The following PAK3 variants were observed in gnomAD, a reference collection of about 807,000 sequenced individuals.
PAK3 encodes the protein serine/threonine-protein kinase PAK 3.
In PAK3, 4 loss-of-function variants were observed where a neutral mutation model predicts 41.0. The ratio of observed to expected loss-of-function variants is 0.10; its 90% CI spans 0.05 to 0.22. The LOEUF is 0.22. Among genes scored for constraint, PAK3 ranks in the 10% least tolerant of loss-of-function variants. The pLI, the probability that PAK3 is intolerant of heterozygous loss-of-function variation, is 1.00. For missense variants in PAK3, 205 were observed against 409.9 expected, an observed-to-expected ratio of 0.50 and a Z score of 4.32; for synonymous variants, 146 against 139.6, an observed-to-expected ratio of 1.05 and a Z score of -0.32.
chrX:110,956,085 T>C (rs1156956946), intron 1 of PAK3, among the ~76,000 whole-genome samples: 1 of 112,015 alleles, frequency 8.9e-6, no homozygotes, highest in African/African-American at 3.2e-5. Context: ...ATCAAAGAGA[T>C]AATCTATGTC....
chrX:111,104,002 G>A (rs746965274), intron 4 of PAK3, among the ~76,000 whole-genome samples: 2 of 112,076 alleles, frequency 1.8e-5, no homozygotes, highest in Non-Finnish European at 3.8e-5. Flanking sequence ...CAAGGGCAGG[G>A]ACTAGATCTT....
chrX:111,135,840 G>T (rs777513705), intron 5 of PAK3, among the ~76,000 whole-genome samples: 15 of 111,799 alleles, frequency 1.3e-4, no homozygotes, highest in African/African-American at 4.9e-4. Flanking sequence ...GAAAAGCTAA[G>T]ACTATAACAG....
At chrX:111,113,990 G>A (rs1020583892) in intron 4 of PAK3, among the ~76,000 whole-genome samples, 2 of 112,366 alleles carry the variant, frequency 1.8e-5, no homozygotes, top group East Asian at 2.8e-4. Flanking sequence ...ATTCCATGGT[G>A]TATATGTGCC....
chrX:111,032,901 A>C (rs915497071), intron 1 of PAK3, among the ~76,000 whole-genome samples: 4 of 110,942 alleles, frequency 3.6e-5, no homozygotes, highest in East Asian at 2.9e-4. Context: ...TGTCTCCCAT[A>C]CTTATGTACT....
At chrX:110,957,594 G>A (rs756942375) in intron 1 of PAK3, among the ~76,000 whole-genome samples, 3 of 111,655 alleles carry the variant, frequency 2.7e-5, no homozygotes, top group Non-Finnish European at 5.6e-5. Flanking sequence ...AATCTTGCAG[G>A]GACCCTGGCC....
At chrX:110,986,756 C>T (rs867307820) in intron 1 of PAK3, among the ~76,000 whole-genome samples, 8 of 104,394 alleles carry the variant, frequency 7.7e-5, no homozygotes, top group East Asian at 5.9e-4. Context: ...CAAGTGTACG[C>T]GTGTGTGTGT....
At chrX:110,967,850 C>T (rs1038735966) in intron 1 of PAK3, among the ~76,000 whole-genome samples, 1 of 111,753 alleles carries the variant, frequency 8.9e-6, no homozygotes, top group African/African-American at 3.3e-5. Context: ...ATGACATTGG[C>T]ACAATGTGTG....
At chrX:111,215,443 G>T (rs1163863352) in intron 16 of PAK3, among the ~76,000 whole-genome samples, 1 of 104,600 alleles carries the variant, frequency 9.6e-6, no homozygotes. Flanking sequence ...GGAGGCTGAG[G>T]CGGGAGAATC....
At chrX:110,982,658 G>T (rs1166530863) in intron 1 of PAK3, among the ~76,000 whole-genome samples, 4 of 111,796 alleles carry the variant, frequency 3.6e-5, no homozygotes, top group Non-Finnish European at 7.5e-5. Flanking sequence ...CCATAGCATG[G>T]CATCTTTTGC....
At chrX:110,969,386 C>A (rs907357809) in intron 1 of PAK3, among the ~76,000 whole-genome samples, 1 of 100,137 alleles carries the variant, frequency 1.0e-5, no homozygotes, top group Non-Finnish European at 2.0e-5. Context: ...CGGGTTTAAG[C>A]GATTCTTGTG....
chrX:111,192,191 CA>C lies in PAK3; in HGVS notation c.879+18del. ...AGGACAAGAGGTAAGTGCTAACGTT[CA>C]ATCCTGATTTTTATTTTCTTTTATT... On this transcript the variant is annotated intron_variant, in intron 12 of 17. Coordinates refer to ENST00000372007, the MANE Select transcript of PAK3 (RefSeq NM_002578.5). 1.0e-6 allele frequency: 1 copy of C among 1,004,293 alleles called. No individual in the cohort carries two copies. Among genetic ancestry groups the C allele is most frequent in the Non-Finnish European group, 1.4e-6 (1 of 708,167 alleles). 82.8% of individuals were successfully genotyped at this position (1,004,293 alleles called of 1,213,427 possible).
upstream of PAK3, among the ~76,000 whole-genome samples, chrX:111,094,456 A>C (rs998929885): frequency 3.6e-5 from 4 of 111,095 alleles, no homozygotes; most frequent in Admixed American, 3.8e-4. Flanking sequence ...TAATATATAT[A>C]TTTTGAATTT....
rs759331249 is a variant in PAK3, at chrX:110,979,391, C to T, written c.-28+34763C>T. Among the ~76,000 whole-genome samples, 6 of 101,329 alleles carry T rather than the reference C, an allele frequency of 5.9e-5. No homozygotes were observed. In the South Asian group the frequency reaches 2.5e-3, roughly 42 times the overall value. 88.0% of individuals were successfully genotyped at this position (101,329 alleles called of 115,157 possible). On this transcript the variant is annotated intron_variant, in intron 1 of 14. Coordinates refer to the PAK3 transcript ENST00000425146. ...TCTGCCCACTGCAAGCTCTGCCTCT[C>T]GGGTTCATGCCATTCTTCTGCCTCA...
intron 16 of PAK3, among the ~76,000 whole-genome samples, chrX:111,211,040 C>G (rs1216868781): frequency 8.9e-6 from 1 of 111,743 alleles, no homozygotes; most frequent in Non-Finnish European, 1.9e-5. Context: ...AGCAAGTTTA[C>G]CAGGCACTTA....
chrX:111,197,452 T>C (rs2094628345), intron 16 of PAK3, among the ~76,000 whole-genome samples: 1 of 111,950 alleles, frequency 8.9e-6, no homozygotes, highest in Admixed American at 9.4e-5. Context: ...AGTAATGGTA[T>C]TGCTGAGTTG....
chrX:110,950,962 A>G (rs2090732973), intron 1 of PAK3, among the ~76,000 whole-genome samples: 1 of 111,444 alleles, frequency 9.0e-6, no homozygotes, highest in Non-Finnish European at 1.9e-5. Context: ...TCAATTTCAG[A>G]TATTATTGAT....
chrX:110,956,310 C>T (rs2090856317), intron 1 of PAK3, among the ~76,000 whole-genome samples: 1 of 111,336 alleles, frequency 9.0e-6, no homozygotes, highest in African/African-American at 3.3e-5. Flanking sequence ...GTTCTCAGTA[C>T]ACCACCTGGT....
intron 1 of PAK3, among the ~76,000 whole-genome samples, chrX:110,953,634 C>G (rs758106952): frequency 7.2e-5 from 8 of 111,684 alleles, no homozygotes; most frequent in Non-Finnish European, 1.5e-4. Flanking sequence ...CTGGTGTTTT[C>G]TGGCTTGAGG....
intron 1 of PAK3, among the ~76,000 whole-genome samples, chrX:111,014,538 A>T (rs2092059806): frequency 9.0e-6 from 1 of 111,180 alleles, no homozygotes; most frequent in South Asian, 3.9e-4. Flanking sequence ...ATAAGTTTAA[A>T]ATGCCTTTGC....
Sources: gnomAD v4.1 joint callset for allele counts (sites outside exome capture counted in the v4.1 genomes callset) on GRCh38, gnomAD v4.1.1 for gene constraint, MANE v1.5 for transcripts, NCBI Gene and HGNC (gene_info 2026-07-23, HGNC 2026-07-21) for gene names.